BAZ2B: variants seen among roughly 807,000 people sequenced by gnomAD.
BAZ2B encodes the protein bromodomain adjacent to zinc finger domain 2B, also known as bromodomain adjacent to zinc finger domain protein 2B.
In BAZ2B, 91 loss-of-function variants were observed where a neutral mutation model predicts 246.0. That is an observed-to-expected ratio of 0.37 (90% CI 0.31 to 0.44). The LOEUF (loss-of-function observed/expected upper bound fraction) is 0.44. Ranked by LOEUF, BAZ2B falls within the 20% of genes least tolerant of loss-of-function variation. BAZ2B has a pLI of 1.00. For synonymous variants in BAZ2B, 855 were observed against 860.0 expected, an observed-to-expected ratio of 0.99 and a Z score of 0.10; for missense variants, 2,332 against 2,533.7, an observed-to-expected ratio of 0.92 and a Z score of 1.71.
At chr2:159,379,403 A>G (rs1026856382) in intron 25 of BAZ2B, among the ~76,000 whole-genome samples, 1 of 152,162 alleles carries the variant, frequency 6.6e-6, no homozygotes, top group African/African-American at 2.4e-5. Context: ...AATAAGTTCT[A>G]GAAAGCTGTT....
Position 159,438,402 on chromosome 2 carries a change from G to A in BAZ2B, c.1194C>T (p.Tyr398=). The A allele has an allele frequency of 2.5e-6, 4 of 1,614,146 alleles. No homozygotes were observed. The highest frequency in any genetic ancestry group is 2.5e-6 in the Non-Finnish European group (3 of 1,180,002). The change falls in exon 8 of 37, where the codon TAC becomes TAT. Residue 398 remains tyrosine (Y), a synonymous_variant. Coordinates refer to ENST00000392783, the MANE Select transcript of BAZ2B (RefSeq NM_013450.4). ...SLVNQAKKET[Y]MKLIVPSPDV... ...CAGGAGAAGGAACTATGAGTTTCAT[G>A]TAAGTTTCCTTTTTGGCTTGATTTA...
At chr2:159,433,558 T>G (rs2071550080) in intron 8 of BAZ2B, 195 bp from the exon 9 acceptor site, 1 of 468,038 alleles carries the variant, frequency 2.1e-6, no homozygotes, top group South Asian at 4.8e-5. Flanking sequence ...TTTATTAAAA[T>G]TTATTTAGTT....
At chr2:159,702,323 A>G in the BAZ2B span, among the ~76,000 whole-genome samples, 1 of 152,242 alleles carries the variant, frequency 6.6e-6, no homozygotes, top group Non-Finnish European at 1.5e-5. Flanking sequence ...CTAAGCACAG[A>G]CAAGAGTAAA....
At chr2:159,686,323 C>T in the BAZ2B span, among the ~76,000 whole-genome samples, 1 of 152,108 alleles carries the variant, frequency 6.6e-6, no homozygotes, top group Non-Finnish European at 1.5e-5. Context: ...GTTTACCTCA[C>T]CAGAGAGATC....
intron 2 of BAZ2B, among the ~76,000 whole-genome samples, chr2:159,545,630 A>G (rs2087227434): frequency 6.6e-6 from 1 of 152,180 alleles, no homozygotes; most frequent in African/African-American, 2.4e-5. Flanking sequence ...TTGCATAGAT[A>G]TTTACTGGGT....
chr2:159,423,309 C>T (rs753922953), intron 13 of BAZ2B, among the ~76,000 whole-genome samples: 2 of 83,938 alleles, frequency 2.4e-5, no homozygotes, highest in South Asian at 3.0e-4. Flanking sequence ...GAGCAAGACT[C>T]TATCTAAACA....
In BAZ2B at chr2:159,405,161, A is replaced by G. The variant is rs1303316120; in HGVS notation, c.2678-47T>C. Reference sequence around the variant, plus strand: ...AGAATATTAACAACTTTGTGTAACTACTAACCAAAAACAATAACTGTGTGA... The same window carrying G: ...AGAATATTAACAACTTTGTGTAACTGCTAACCAAAAACAATAACTGTGTGA... On this transcript the variant is annotated intron_variant, in intron 14 of 36. Transcript: ENST00000392783. The G allele has an allele frequency of 2.0e-6, 3 of 1,487,310 alleles. No individual in the cohort carries two copies. In the East Asian group the frequency reaches 6.8e-5, roughly 34 times the overall value. The allele number at this position is 1,487,310 out of a possible 1,614,324, so 92.1% of individuals were successfully genotyped here.
chr2:159,666,792 T>C, the BAZ2B span, among the ~76,000 whole-genome samples: 2 of 151,292 alleles, frequency 1.3e-5, no homozygotes, highest in Non-Finnish European at 2.9e-5. Flanking sequence ...GAGGCGGAGG[T>C]TGCAGTGAGC....
the BAZ2B span, among the ~76,000 whole-genome samples, chr2:159,654,437 C>T: frequency 6.6e-6 from 1 of 151,698 alleles, no homozygotes; most frequent in East Asian, 1.9e-4. Context: ...ACAGAGAATC[C>T]AAGACAAAAA....
At chr2:159,340,786 A>C (rs1414678948) in intron 31 of BAZ2B, among the ~76,000 whole-genome samples, 1 of 152,144 alleles carries the variant, frequency 6.6e-6, no homozygotes, top group Non-Finnish European at 1.5e-5. Flanking sequence ...GAAAGTAAAA[A>C]GATGATAACC....
intron 3 of BAZ2B, chr2:159,461,251 T>C (rs933172750): frequency 6.6e-6 from 1 of 152,532 alleles, no homozygotes. Flanking sequence ...AATCCACCAT[T>C]ACCAGTTGTT....
chr2:159,563,315 A>G (rs989763463), intron 1 of BAZ2B, among the ~76,000 whole-genome samples: 8 of 152,168 alleles, frequency 5.3e-5, no homozygotes, highest in Non-Finnish European at 8.8e-5. Flanking sequence ...GCATATATTC[A>G]TTATGTACCT....
At chr2:159,379,262 A>G (rs575328464) in intron 25 of BAZ2B, among the ~76,000 whole-genome samples, 1 of 152,294 alleles carries the variant, frequency 6.6e-6, no homozygotes, top group African/African-American at 2.4e-5. Flanking sequence ...TATGATTCCA[A>G]TTATATGAGG....
At chr2:159,349,468 T>C (rs1019335451) in intron 28 of BAZ2B, among the ~76,000 whole-genome samples, 188 bp from the exon 29 acceptor site, 1 of 152,242 alleles carries the variant, frequency 6.6e-6, no homozygotes, top group Non-Finnish European at 1.5e-5. Flanking sequence ...CCAAAGTAAT[T>C]TTCCTTTCGG....
chr2:159,344,122 C>A (rs1035896245), intron 31 of BAZ2B, among the ~76,000 whole-genome samples: 12 of 151,126 alleles, frequency 7.9e-5, no homozygotes, highest in Non-Finnish European at 1.2e-4. Flanking sequence ...GGAATGTAAA[C>A]TAGTACAGCC....
intron 1 of BAZ2B, among the ~76,000 whole-genome samples, chr2:159,607,015 A>T (rs898192897): frequency 2.0e-5 from 3 of 151,740 alleles, no homozygotes; most frequent in African/African-American, 7.3e-5. Flanking sequence ...CGCCTCAAAA[A>T]AAATAATTTT....
the BAZ2B span, among the ~76,000 whole-genome samples, chr2:159,626,946 G>A: frequency 6.6e-6 from 1 of 152,096 alleles, no homozygotes. Flanking sequence ...AGAAAAGAGA[G>A]AAGAATCAAA....
intron 2 of BAZ2B, among the ~76,000 whole-genome samples, chr2:159,501,138 TTTATATATATAATATATATAAATATATAA>T (rs1559628497): frequency 6.5e-5 from 5 of 76,736 alleles, no homozygotes; most frequent in African/African-American, 1.2e-4. Flanking sequence ...ATATATATAT[TTTATATATATAATATATATAAATATATAA>T]TATATATTAT....
At chr2:159,586,608 A>T (rs1283136882) in intron 1 of BAZ2B, among the ~76,000 whole-genome samples, 1 of 152,076 alleles carries the variant, frequency 6.6e-6, no homozygotes, top group Non-Finnish European at 1.5e-5. Flanking sequence ...ACATTAAAAG[A>T]CTTAAATCCT....
Sources: gnomAD v4.1 joint callset for allele counts (sites outside exome capture counted in the v4.1 genomes callset) on GRCh38, gnomAD v4.1.1 for gene constraint, MANE v1.5 for transcripts, NCBI Gene and HGNC (gene_info 2026-07-23, HGNC 2026-07-21) for gene names.